The following SLC28A3 variants were observed in gnomAD, a reference collection of about 807,000 sequenced individuals.
SLC28A3 encodes solute carrier family 28 member 3.
In SLC28A3, 68 loss-of-function variants were observed where a neutral mutation model predicts 84.2. The ratio of observed to expected loss-of-function variants is 0.81; its 90% CI spans 0.66 to 0.99. The LOEUF is 0.99. Ranked by LOEUF, SLC28A3 falls within the 50% of genes least tolerant of loss-of-function variation. The pLI, the probability that SLC28A3 is intolerant of heterozygous loss-of-function variation, is 0.00. For missense variants in SLC28A3, 712 were observed against 841.5 expected (o/e 0.85, Z 1.90); for synonymous variants, 267 against 303.6 (o/e 0.88, Z 1.25).
At chr9:84,363,346 A>G in the SLC28A3 span, among the ~76,000 whole-genome samples, 269 of 152,338 alleles carry the variant, frequency 1.8e-3, 1 homozygote, top group Non-Finnish European at 2.5e-3. Flanking sequence ...GAAAATGTCT[A>G]TGGGAAGGAA....
Position 84,309,631 on chromosome 9 carries a change from T to A in SLC28A3, c.240A>T (p.Lys80Asn). The change falls in exon 3 of 18, where the codon AAA becomes AAT. Residue 80 changes from lysine (K) to asparagine (N), a missense_variant and splice_region_variant. Physicochemically the swap from Lys to Asn is moderately conservative, Grantham distance 94. Transcript: ENST00000376238. ...TTTCCCTGTTTTAAAGACTGTACCC[T>A]TTTTGTTGCATCTCCTCATCATCAT... ...MEDDDEEMQQ[K>N]GCLERRYDTV... is the part of the protein sequence containing the mutation. 1 of 1,612,580 alleles carries A rather than the reference T, an allele frequency of 6.2e-7. No homozygotes were observed. Among genetic ancestry groups the A allele is most frequent in the South Asian group, 1.1e-5 (1 of 90,954 alleles).
At chr9:84,294,888 G>T (rs147651318) in intron 8 of SLC28A3, among the ~76,000 whole-genome samples, 1 of 148,104 alleles carries the variant, frequency 6.8e-6, no homozygotes, top group Non-Finnish European at 1.5e-5. Context: ...GGCCCATTCC[G>T]TGGAAAGCAG....
At chr9:84,351,414 T>C in the SLC28A3 span, among the ~76,000 whole-genome samples, 1 of 152,188 alleles carries the variant, frequency 6.6e-6, no homozygotes, top group Admixed American at 6.6e-5. Context: ...ATCCCAGCAC[T>C]TTGTGAGGCA....
Position 84,294,264 on chromosome 9 carries a change from G to T in SLC28A3, c.873C>A (p.Ile291=), listed in dbSNP as rs955502867. Residue 291 remains isoleucine, a synonymous_variant, in exon 9 of 18, where the codon ATC becomes ATA. Transcript: ENST00000376238. ...ACATCACAGTGCTGAAGAAAACCAC[G>T]ATCGGCAGGACCTGTGGGGACAGAA... ...DHFFAFKVLP[I]VVFFSTVMSM... 1 of 1,613,984 alleles carries T rather than the reference G, an allele frequency of 6.2e-7. No individual in the cohort carries two copies. The highest frequency in any genetic ancestry group is 1.1e-5 in the South Asian group (1 of 91,080).
At chr9:84,287,306 A>C (rs1825030283) in intron 12 of SLC28A3, among the ~76,000 whole-genome samples, 1 of 152,184 alleles carries the variant, frequency 6.6e-6, no homozygotes, top group Non-Finnish European at 1.5e-5. Flanking sequence ...TGAATTTCAG[A>C]CACATGTTGG....
At chr9:84,348,110 G>A in the SLC28A3 span, among the ~76,000 whole-genome samples, 2 of 152,108 alleles carry the variant, frequency 1.3e-5, no homozygotes, top group Non-Finnish European at 2.9e-5. Flanking sequence ...TGCATTATAA[G>A]CACCTTGCCT....
In SLC28A3 at chr9:84,290,219, C is replaced by T. The variant is rs769712186; in HGVS notation, c.1084G>A (p.Ala362Thr). The change falls in exon 11 of 18, where the codon GCC becomes ACC. Residue 362 changes from alanine to threonine, a missense_variant. Ala to Thr is a moderately conservative substitution (Grantham distance 58, BLOSUM62 0). Transcript: ENST00000376238. ...LPYITKSELH[A>T]IMTAGFSTIA... is the part of the protein sequence containing the mutation. ...GTAGAGAACCCGGCGGTCATGATGG[C>T]GTGGAGTTCAGACTTGGTGATGTAA... 36 of 1,613,922 alleles carry T rather than the reference C, an allele frequency of 2.2e-5. No individual in the cohort carries two copies. The highest frequency in any genetic ancestry group is 1.7e-5 in the Admixed American group (1 of 59,996).
At chr9:84,347,607 G>T in the SLC28A3 span, among the ~76,000 whole-genome samples, 1 of 152,172 alleles carries the variant, frequency 6.6e-6, no homozygotes, top group Non-Finnish European at 1.5e-5. Context: ...TAATAATATG[G>T]GGTTGTCAGG....
intron 1 of SLC28A3, 76 bp downstream of exon 1, chr9:84,340,498 G>A (rs181036590): frequency 2.9e-5 from 43 of 1,498,498 alleles, no homozygotes; most frequent in Non-Finnish European, 3.6e-5. Flanking sequence ...GCTTAGGTAA[G>A]AAACTTGCCA....
rs1824550655 is a variant in SLC28A3, at chr9:84,277,090, G to C, written c.*1128C>G. On this transcript the variant is annotated 3_prime_UTR_variant, in exon 18 of 18. Transcript: ENST00000376238. ...AAATTATCAACGCAAGGTTTTCAGA[G>C]CTCAACCAGGACTTTTTTTCCTCAA... 6.6e-6 allele frequency: 1 copy of C among 152,230 alleles called. No individual in the cohort carries two copies. Among genetic ancestry groups the C allele is most frequent in the Non-Finnish European group, 1.5e-5 (1 of 68,042 alleles). The allele number at this position is 152,230 out of a possible 1,614,324, so 9.4% of individuals were successfully genotyped here.
chr9:84,315,176 C>T (rs1002101726), intron 1 of SLC28A3, among the ~76,000 whole-genome samples: 49 of 152,118 alleles, frequency 3.2e-4, no homozygotes, highest in African/African-American at 1.1e-3. Flanking sequence ...GACAGGTACC[C>T]GGAGAATCAT....
chr9:84,286,165 C>A (rs1588563425), intron 12 of SLC28A3, 54 bp from the exon 13 acceptor site: 2 of 1,555,200 alleles, frequency 1.3e-6, no homozygotes, highest in South Asian at 1.2e-5. Context: ...AGGGGATGGA[C>A]ACCATTGGTG....
chr9:84,310,527 GA>G, intron 2 of SLC28A3: 1 of 985,458 alleles, frequency 1.0e-6, no homozygotes, highest in Non-Finnish European at 1.2e-6. Context: ...TGTGCTCTAA[GA>G]AGTATAATGT....
At chr9:84,327,065 A>G (rs1826588770) in intron 1 of SLC28A3, among the ~76,000 whole-genome samples, 1 of 152,146 alleles carries the variant, frequency 6.6e-6, no homozygotes, top group South Asian at 2.1e-4. Flanking sequence ...CTCTCTTAAA[A>G]TCAAGAGGGG....
intron 1 of SLC28A3, among the ~76,000 whole-genome samples, chr9:84,322,824 T>A (rs1370893321): frequency 6.7e-6 from 1 of 150,062 alleles, no homozygotes; most frequent in Non-Finnish European, 1.5e-5. Context: ...GGCAACAGAG[T>A]AGAAAAGAAA....
intron 1 of SLC28A3, among the ~76,000 whole-genome samples, chr9:84,326,073 G>A (rs1360418618): frequency 6.6e-6 from 1 of 152,100 alleles, no homozygotes; most frequent in African/African-American, 2.4e-5. Context: ...TTGTCTGCAT[G>A]TATCTGCAAT....
At chr9:84,309,243 C>A (rs898490058) in intron 3 of SLC28A3, among the ~76,000 whole-genome samples, 1 of 151,792 alleles carries the variant, frequency 6.6e-6, no homozygotes, top group Non-Finnish European at 1.5e-5. Flanking sequence ...AAATGGGAGG[C>A]CTGGTGCCAT....
chr9:84,292,611 T>C, intron 10 of SLC28A3, 57 bp downstream of exon 10: 1 of 1,420,328 alleles, frequency 7.0e-7, no homozygotes, highest in Non-Finnish European at 9.7e-7. Context: ...ATTTGGCTTT[T>C]TGGAAAGAGA....
Position 84,278,347 on chromosome 9 carries a change from GGTGGAAA to G in SLC28A3, c.1950-10_1950-4del, listed in dbSNP as rs1443942190. The G allele has an allele frequency of 6.2e-7, 1 of 1,613,810 alleles. No homozygotes were observed. The highest frequency in any genetic ancestry group is 1.1e-5 in the South Asian group (1 of 91,048). On this transcript the variant is annotated splice_polypyrimidine_tract_variant and splice_region_variant and intron_variant, in intron 17 of 17. Coordinates refer to ENST00000376238, the MANE Select transcript of SLC28A3 (RefSeq NM_001199633.2). ...CACCAGGACCCTTGGCAACAGTGCT[GGTGGAAA>G]GTGGAAAGAAACAGTTACATGAGCC...
Sources: gnomAD v4.1 joint callset for allele counts (sites outside exome capture counted in the v4.1 genomes callset) on GRCh38, gnomAD v4.1.1 for gene constraint, MANE v1.5 for transcripts, NCBI Gene and HGNC (gene_info 2026-07-23, HGNC 2026-07-21) for gene names.